The following RAB37 variants were observed in gnomAD, a reference collection of about 807,000 sequenced individuals.
RAB37 encodes the protein RAB37, member RAS oncogene family.
Under a neutral mutation model 33.1 loss-of-function variants are expected in RAB37, and 29 were observed. The ratio of observed to expected loss-of-function variants is 0.88; its 90% CI spans 0.65 to 1.20. The LOEUF is 1.20. Among genes scored for constraint, RAB37 ranks in the 50% most tolerant of loss-of-function variants. RAB37 has a pLI of 0.00. For missense variants in RAB37, 299 were observed against 301.1 expected (o/e 0.99, Z 0.05); for synonymous variants, 128 against 119.5 (o/e 1.07, Z -0.47).
chr17:74,686,553 G>C (rs2032058804), intron 1 of RAB37, among the ~76,000 whole-genome samples: 4 of 151,830 alleles, frequency 2.6e-5, no homozygotes, highest in Admixed American at 1.3e-4. Flanking sequence ...ACTACACCTA[G>C]CTAGTTTTTG....
chr17:74,717,301 C>T (rs1344629952), intron 1 of RAB37, among the ~76,000 whole-genome samples: 1 of 152,114 alleles, frequency 6.6e-6, no homozygotes, highest in East Asian at 1.9e-4. Context: ...TGGGCCTTAC[C>T]CAAGTTCTTG....
At chr17:74,677,101 G>C (rs2031851103) in intron 1 of RAB37, among the ~76,000 whole-genome samples, 1 of 152,086 alleles carries the variant, frequency 6.6e-6, no homozygotes, top group South Asian at 2.1e-4. Context: ...AGTGAGCTGA[G>C]ATCACACCAT....
chr17:74,737,214 G>GGGGGGGGGGCCC, upstream of RAB37: 1 of 1,245,310 alleles, frequency 8.0e-7, no homozygotes, highest in Non-Finnish European at 1.1e-6. Context: ...CGGGGGTGGG[G>GGGGGGGGGGCCC]CCGTTCCTGC....
At chr17:74,736,425 C>A, upstream of RAB37, 1 of 591,238 alleles carries the variant, frequency 1.7e-6, no homozygotes. Context: ...TCTCTGTCAC[C>A]AGGAGCTGCC....
chr17:74,707,163 A>G (rs2033587507), intron 1 of RAB37, among the ~76,000 whole-genome samples: 1 of 152,246 alleles, frequency 6.6e-6, no homozygotes, highest in Non-Finnish European at 1.5e-5. Flanking sequence ...GAGCTTCTGC[A>G]CAGCAAAGGA....
At chr17:74,698,474 G>A (rs1196605428) in intron 1 of RAB37, 8 of 1,613,518 alleles carry the variant, frequency 5.0e-6, no homozygotes, top group Non-Finnish European at 6.8e-6. Flanking sequence ...AGCTTCAGGA[G>A]CTTGTGCCTA....
intron 1 of RAB37, among the ~76,000 whole-genome samples, chr17:74,711,750 G>C (rs567451979): frequency 2.6e-5 from 4 of 152,224 alleles, no homozygotes; most frequent in East Asian, 1.9e-4. Flanking sequence ...ACCCTCTTCA[G>C]GGGGGTTGTT....
At chr17:74,679,155 T>A (rs1278075952) in intron 1 of RAB37, among the ~76,000 whole-genome samples, 1 of 151,780 alleles carries the variant, frequency 6.6e-6, no homozygotes, top group Admixed American at 6.6e-5. Context: ...CTCCTCTTCT[T>A]CCTCCCTCGC....
Position 74,708,831 on chromosome 17 carries a change from C to T in RAB37, c.73-20425C>T, listed in dbSNP as rs978575841. Among the ~76,000 whole-genome samples, 6 of 150,008 alleles carry T rather than the reference C, an allele frequency of 4.0e-5. 1 individual carries two copies. In the South Asian group the frequency reaches 1.3e-3, roughly 32 times the overall value. The stretch of plus-strand genomic sequence containing the variant: ...CTCGGAGGCTGAGGCAGGAGAATGA[C>T]GTGAACCCGGGGGGGCGGAGCTTGC... On this transcript the variant is annotated intron_variant, in intron 1 of 7. Transcript: ENST00000340415.
At chr17:74,739,412 G>A (rs762721450) in intron 1 of RAB37, among the ~76,000 whole-genome samples, 69 of 152,212 alleles carry the variant, frequency 4.5e-4, no homozygotes, top group Non-Finnish European at 9.3e-4. Context: ...CAGCAACCCC[G>A]GGATGCCGAT....
rs759047469 is a variant in RAB37 at position 74,729,366 on chromosome 17, G to A, written c.183G>A (p.Thr61=). Reference sequence around the variant, plus strand: ...CGGCCACTGTGGGCATCGGATTCACGGTAAGCACTGGCCGGCACTGCCAGC... The same window carrying A: ...CGGCCACTGTGGGCATCGGATTCACAGTAAGCACTGGCCGGCACTGCCAGC... Residue 61 remains threonine (T), a splice_region_variant and synonymous_variant, in exon 2 of 8, where the codon ACG becomes ACA. Coordinates refer to the RAB37 transcript ENST00000340415. This position sits in a 1 kb window ranked among gnomAD's most constrained non-coding sequence, Gnocchi z 4.2. The A allele has an allele frequency of 2.0e-5, 33 of 1,610,372 alleles. No individual in the cohort carries two copies. The highest frequency in any genetic ancestry group is 2.6e-5 in the Non-Finnish European group (31 of 1,176,722).
At chr17:74,743,009 A>C in intron 3 of RAB37, 120 bp from the exon 4 acceptor site, 1 of 840,044 alleles carries the variant, frequency 1.2e-6, no homozygotes, top group African/African-American at 1.7e-5. Context: ...TGAGAACCTA[A>C]AGAAGAAAAC....
chr17:74,689,677 C>T (rs1021245032), intron 1 of RAB37, among the ~76,000 whole-genome samples: 25 of 152,124 alleles, frequency 1.6e-4, no homozygotes, highest in Non-Finnish European at 2.9e-4. Flanking sequence ...CTGTCCTTGC[C>T]AATCTAAAAA....
intron 1 of RAB37, among the ~76,000 whole-genome samples, chr17:74,685,204 A>T (rs567681269): frequency 1.3e-5 from 2 of 151,550 alleles, no homozygotes; most frequent in South Asian, 4.2e-4. Context: ...TTTTGTTTTG[A>T]TATGGAGTCT....
At position 74,710,937 on chromosome 17, in the gene RAB37, G is replaced by A. The variant is rs144488061; in HGVS notation, c.73-18319G>A. On this transcript the variant is annotated intron_variant, in intron 1 of 7. Transcript: ENST00000340415. ...TGCTTTTAATCCCAGCAACTCAGAC[G>A]GCCAAGGCAGGAGGATCACTTGAGC... Among the ~76,000 whole-genome samples the A allele has an allele frequency of 7.2e-4, 110 of 151,910 alleles. 1 individual carries two copies. In the East Asian group the frequency reaches 0.021, roughly 29 times the overall value.
At position 74,683,188 on chromosome 17, in the gene RAB37, A is replaced by G. The variant is rs368025379; in HGVS notation, c.72+11530A>G. ...TTGGGAAACAAACTGCTGTCACCCT[A>G]TGAAGCGATAGGCTTATTGGGGCTG... is the stretch of plus-strand genomic sequence containing the variant. On this transcript the variant is annotated intron_variant, in intron 1 of 7. Transcript: ENST00000340415. Among the ~76,000 whole-genome samples, 32 of 152,302 alleles carry G rather than the reference A, an allele frequency of 2.1e-4. 1 individual carries two copies. The highest frequency in any genetic ancestry group is 7.7e-4 in the African/African-American group (32 of 41,582).
chr17:74,736,034 C>T (rs1357556095), upstream of RAB37, among the ~76,000 whole-genome samples: 1 of 152,118 alleles, frequency 6.6e-6, no homozygotes, highest in Non-Finnish European at 1.5e-5. Context: ...GGCAAAACCC[C>T]GTCTCTACTA....
intron 1 of RAB37, among the ~76,000 whole-genome samples, chr17:74,711,029 A>G (rs1446248458): frequency 6.6e-6 from 1 of 152,120 alleles, no homozygotes; most frequent in African/African-American, 2.4e-5. Context: ...ACAGACTGAG[A>G]CCCCAACTCA....
chr17:74,699,977 C>A (rs1012298172), intron 1 of RAB37, among the ~76,000 whole-genome samples: 1 of 151,686 alleles, frequency 6.6e-6, no homozygotes, highest in African/African-American at 2.4e-5. Context: ...TCCGTCTCTA[C>A]CAAAAAATAC....
Sources: allele counts gnomAD v4.1 joint callset (sites outside exome capture counted in the v4.1 genomes callset), GRCh38; gene constraint gnomAD v4.1.1; non-coding constraint Gnocchi (gnomAD v3.1); transcripts MANE v1.5; gene names NCBI Gene and HGNC (gene_info 2026-07-23, HGNC 2026-07-21).